The following CCDC88A variants were observed in gnomAD, a reference collection of about 807,000 sequenced individuals.
CCDC88A encodes girdin.
CCDC88A carries 54 observed loss-of-function variants against 234.3 expected under a neutral mutation model. The ratio of observed to expected loss-of-function variants is 0.23; its 90% CI spans 0.19 to 0.29. CCDC88A has a LOEUF of 0.29. Among genes scored for constraint, CCDC88A ranks in the 10% least tolerant of loss-of-function variants. The pLI is 1.00. For missense variants in CCDC88A, 1,832 were observed against 2,123.4 expected (o/e 0.86, Z 2.70); for synonymous variants, 753 against 737.8 (o/e 1.02, Z -0.33).
intron 17 of CCDC88A, among the ~76,000 whole-genome samples, chr2:55,327,055 G>A (rs556551655): frequency 4.6e-5 from 7 of 151,950 alleles, no homozygotes; most frequent in African/African-American, 1.2e-4. Context: ...GTTTTGTTTT[G>A]TTCTTAATAA....
At chr2:55,416,158 G>C (rs1459866307) in intron 2 of CCDC88A, among the ~76,000 whole-genome samples, 1 of 151,648 alleles carries the variant, frequency 6.6e-6, no homozygotes, top group African/African-American at 2.4e-5. Context: ...AGAAAAGACA[G>C]AGCATGAAAA....
At chr2:55,410,842 A>T (rs1032188358) in intron 2 of CCDC88A, among the ~76,000 whole-genome samples, 2 of 152,014 alleles carry the variant, frequency 1.3e-5, no homozygotes, top group Non-Finnish European at 2.9e-5. Context: ...GCAGTGAACC[A>T]AGATCTCGCC....
Position 55,322,683 on chromosome 2 carries a change from T to C in CCDC88A, c.3007A>G (p.Asn1003Asp). 6.6e-7 allele frequency: 1 copy of C among 1,522,198 alleles called. No individual in the cohort carries two copies. Among genetic ancestry groups the C allele is most frequent in the Non-Finnish European group, 8.8e-7 (1 of 1,134,500 alleles). The allele number at this position is 1,522,198 out of a possible 1,614,324, so 94.3% of individuals were successfully genotyped here. The change falls in exon 18 of 33, where the codon AAT becomes GAT. Residue 1003 changes from asparagine (N) to aspartate (D), a missense_variant. This residue lies in a region of CCDC88A where 1,282 missense variants were observed against 1,543.6 expected (regional missense o/e 0.83). Transcript: ENST00000436346. ...LRQELKTVKK[N>D]YEALKQRQDE... is the part of the protein sequence containing the mutation. ...TGTCTCTGTTTGAGAGCTTCATAATTTTTTTTCACCTAAAATTTTATTTAA... is the reference window on the plus strand; with the variant it reads ...TGTCTCTGTTTGAGAGCTTCATAATCTTTTTTCACCTAAAATTTTATTTAA...
rs1285772723 is a variant in CCDC88A at position 55,374,935 on chromosome 2, T to C, written c.274-52A>G. The stretch of plus-strand genomic sequence containing the variant: ...ATATGGGTAATGCTAACTAGATAAT[T>C]ATTCATCAAGCTATAACTTATGATT... On this transcript the variant is annotated intron_variant, in intron 3 of 32. Coordinates refer to ENST00000436346, the MANE Select transcript of CCDC88A (RefSeq NM_001365480.1). 7 of 1,056,902 alleles carry C rather than the reference T, an allele frequency of 6.6e-6. No individual in the cohort carries two copies. The East Asian group carries it at 1.2e-4, about 18-fold the overall frequency. The allele number at this position is 1,056,902 out of a possible 1,614,324, so 65.5% of individuals were successfully genotyped here. A position where few individuals can be genotyped will look rare whatever the true frequency, so the allele number is the denominator to read the frequency against.
intron 3 of CCDC88A, among the ~76,000 whole-genome samples, chr2:55,380,693 G>C (rs576177082): frequency 3.3e-5 from 5 of 152,144 alleles, no homozygotes; most frequent in African/African-American, 1.2e-4. Context: ...TCGACTCATT[G>C]CAACCTCTGC....
At position 55,332,802 on chromosome 2, in the gene CCDC88A, C is replaced by A. The variant is rs963204694; in HGVS notation, c.2728-109G>T. 2 of 898,014 alleles carry A rather than the reference C, an allele frequency of 2.2e-6. No individual in the cohort carries two copies. Among genetic ancestry groups the A allele is most frequent in the African/African-American group, 1.7e-5 (1 of 59,734 alleles). The allele number at this position is 898,014 out of a possible 1,614,324, so 55.6% of individuals were successfully genotyped here. On this transcript the variant is annotated intron_variant, in intron 15 of 32. Transcript: ENST00000436346. This position sits in a 1 kb window ranked among gnomAD's most constrained non-coding sequence, Gnocchi z 4.5. ...CATCTAGGAATACATGTAATTTGAA[C>A]CAGGAAATGTCATTAAACCATTCCT...
rs575136495 is a variant in CCDC88A, at chr2:55,393,683, T to TA, written c.165-4798dup. 5.5e-3 allele frequency among the ~76,000 whole-genome samples: 832 copies of TA among 151,534 alleles called. 11 individuals carry two copies. Among genetic ancestry groups the TA allele is most frequent in the African/African-American group, 0.019 (779 of 41,344 alleles). On this transcript the variant is annotated intron_variant, in intron 2 of 32. Transcript: ENST00000436346. ...GTTCATGTTCTTGGGTTTTCTAGGTTAAAAAAAAATCACACCATCAGTAAA... is the reference window on the plus strand; with the variant it reads ...GTTCATGTTCTTGGGTTTTCTAGGTTAAAAAAAAAATCACACCATCAGTAAA...
intron 4 of CCDC88A, among the ~76,000 whole-genome samples, chr2:55,373,097 C>G (rs558173681): frequency 1.1e-4 from 17 of 152,272 alleles, no homozygotes; most frequent in African/African-American, 3.9e-4. Flanking sequence ...AGAATATTCC[C>G]TGTCCAACAG....
chr2:55,408,244 T>G (rs1308499666), intron 2 of CCDC88A, among the ~76,000 whole-genome samples: 1 of 152,116 alleles, frequency 6.6e-6, no homozygotes, highest in African/African-American at 2.4e-5. Context: ...CTTGACCTCC[T>G]ATCTTTTCAC....
chr2:55,295,434 A>C (rs1264503377), intron 31 of CCDC88A, 163 bp downstream of exon 31: 1 of 1,552,410 alleles, frequency 6.4e-7, no homozygotes, highest in Non-Finnish European at 8.7e-7. Context: ...AATAGTGGCA[A>C]AAGTTTGGTT....
At chr2:55,377,620 T>C (rs1212194532) in intron 3 of CCDC88A, among the ~76,000 whole-genome samples, 2 of 152,080 alleles carry the variant, frequency 1.3e-5, no homozygotes, top group East Asian at 3.9e-4. Flanking sequence ...TTTTTATTTA[T>C]TTATTTAGAG....
chr2:55,337,237 A>T (rs1040056274), intron 13 of CCDC88A: 3 of 158,308 alleles, frequency 1.9e-5, no homozygotes, highest in African/African-American at 7.2e-5. Flanking sequence ...AAGATGATAA[A>T]CAGTACAGTA....
rs768310554 is a variant in CCDC88A at position 55,334,701 on chromosome 2, C to T, written c.2120G>A (p.Arg707Gln). The T allele has an allele frequency of 1.9e-6, 3 of 1,613,482 alleles. No homozygotes were observed. The highest frequency in any genetic ancestry group is 1.7e-6 in the Non-Finnish European group (2 of 1,179,666). Residue 707 changes from arginine (R) to glutamine (Q), a missense_variant, in exon 15 of 33, where the codon CGA becomes CAA. Around this residue, in one of 6 missense-constraint regions of CCDC88A, gnomAD observed 1,282 missense variants for 1,543.6 expected, o/e 0.83. Transcript: ENST00000436346. This position sits in a 1 kb window ranked among gnomAD's most constrained non-coding sequence, Gnocchi z 6.1. Reference protein sequence around the residue: ...SQLDEENLELRRNVESLKCAS... With the variant: ...SQLDEENLELQRNVESLKCAS... ...ACACTTCAAAGATTCTACATTCCTT[C>T]GCAGTTCTAAGTTTTCCTCATCAAG... is the stretch of plus-strand genomic sequence containing the variant.
rs766086635 is a variant in CCDC88A at position 55,291,673 on chromosome 2, C to T, written c.*35+3G>A. The stretch of plus-strand genomic sequence containing the variant: ...TCATTTACATTTTAAGCAGGAAACT[C>T]ACCACTTGGCCCACATGTCATGTAG... On this transcript the variant is annotated splice_donor_region_variant and intron_variant, in intron 32 of 32. Transcript: ENST00000436346. 2 of 1,346,092 alleles carry T rather than the reference C, an allele frequency of 1.5e-6. No individual in the cohort carries two copies. The highest frequency in any genetic ancestry group is 2.3e-5 in the East Asian group (1 of 42,622). 83.4% of individuals were successfully genotyped at this position (1,346,092 alleles called of 1,614,324 possible).
At chr2:55,380,022 G>A (rs573541875) in intron 3 of CCDC88A, among the ~76,000 whole-genome samples, 5 of 134,554 alleles carry the variant, frequency 3.7e-5, no homozygotes, top group East Asian at 4.2e-4. Context: ...CCAGGAGTTC[G>A]AGACCAGCCT....
chr2:55,310,411 G>A (rs752301124), intron 23 of CCDC88A, among the ~76,000 whole-genome samples: 1 of 152,004 alleles, frequency 6.6e-6, no homozygotes, highest in African/African-American at 2.4e-5. Flanking sequence ...GCAAAACTCT[G>A]TTTTTACAAA....
chr2:55,395,929 C>T (rs1677462039), intron 2 of CCDC88A, among the ~76,000 whole-genome samples: 1 of 152,148 alleles, frequency 6.6e-6, no homozygotes, highest in Non-Finnish European at 1.5e-5. Context: ...GAACTAGTTA[C>T]TTATAAAAAC....
At chr2:55,345,925 A>G (rs1669059555) in intron 10 of CCDC88A, 2 of 312,328 alleles carry the variant, frequency 6.4e-6, no homozygotes. Context: ...GGTCTGCTCT[A>G]TATATGATGC....
intron 3 of CCDC88A, chr2:55,388,418 G>T (rs7574743): frequency 0.81 from 125,073 of 154,014 alleles, 51,677 homozygotes; most frequent in Admixed American, 0.9. Context: ...ATTTAAAAAC[G>T]AAAATATGCA....
Sources: gnomAD v4.1 joint callset for allele counts (sites outside exome capture counted in the v4.1 genomes callset) on GRCh38, gnomAD v4.1.1 for gene constraint, gnomAD v4.1.1 regional missense constraint, Gnocchi (gnomAD v3.1) non-coding constraint, MANE v1.5 for transcripts, NCBI Gene and HGNC (gene_info 2026-07-23, HGNC 2026-07-21) for gene names.